NRG3: variants seen among roughly 807,000 people sequenced by gnomAD.
The protein encoded by NRG3 is pro-neuregulin-3, membrane-bound isoform.
A neutral mutation model predicts 66.9 loss-of-function variants in NRG3; 31 were observed. The observed-to-expected ratio is 0.46, with a 90% CI of 0.35 to 0.63. NRG3 has a LOEUF of 0.63. NRG3 is among the 20% of genes least tolerant of loss of function. The probability of loss-of-function intolerance (pLI) is 0.00; values close to 1 mark genes in which losing one functional copy is unlikely to be tolerated. For synonymous variants in NRG3, 393 were observed against 359.4 expected, an observed-to-expected ratio of 1.09 and a Z score of -1.06; for missense variants, 910 against 878.9, an observed-to-expected ratio of 1.04 and a Z score of -0.45.
At chr10:82,083,566 T>C (rs1288232562) in intron 1 of NRG3, among the ~76,000 whole-genome samples, 7 of 151,258 alleles carry the variant, frequency 4.6e-5, no homozygotes, top group Admixed American at 4.0e-4. Context: ...GTTTTCTCTC[T>C]TACAACCTCT....
chr10:82,077,990 G>T (rs556264329), intron 1 of NRG3, among the ~76,000 whole-genome samples: 43 of 152,168 alleles, frequency 2.8e-4, no homozygotes, highest in African/African-American at 1.0e-3. Context: ...TTTGAGAGAC[G>T]CAAGCAATCT....
chr10:82,455,574 TA>T (rs2091229327), intron 2 of NRG3, among the ~76,000 whole-genome samples: 1 of 151,768 alleles, frequency 6.6e-6, no homozygotes. Flanking sequence ...TGTACACTAC[TA>T]TGGACTTCAT....
chr10:82,161,807 G>A (rs2071623978), intron 1 of NRG3, among the ~76,000 whole-genome samples: 1 of 152,118 alleles, frequency 6.6e-6, no homozygotes. Context: ...TTGACAGATG[G>A]AGATCCTGGA....
chr10:82,318,798 A>G (rs1337384584), intron 1 of NRG3, among the ~76,000 whole-genome samples: 2 of 152,246 alleles, frequency 1.3e-5, no homozygotes, highest in Non-Finnish European at 2.9e-5. Context: ...TAGAAAGTGA[A>G]CATCTTGAAA....
At chr10:82,280,848 T>C (rs1413649210) in intron 1 of NRG3, among the ~76,000 whole-genome samples, 1 of 152,208 alleles carries the variant, frequency 6.6e-6, no homozygotes, top group East Asian at 1.9e-4. Context: ...GTTGAAGCTT[T>C]AGTAACTCTC....
chr10:82,332,940 C>T (rs1282750792), intron 1 of NRG3, among the ~76,000 whole-genome samples: 3 of 152,134 alleles, frequency 2.0e-5, no homozygotes, highest in African/African-American at 7.2e-5. Flanking sequence ...TATCCTCACC[C>T]TAACAAAAAA....
In NRG3 at chr10:82,708,430, C is replaced by T. The variant is rs183732683; in HGVS notation, c.954-30147C>T. 2.6e-5 allele frequency among the ~76,000 whole-genome samples: 4 copies of T among 152,214 alleles called. No homozygotes were observed. The East Asian group carries it at 7.7e-4, about 29-fold the overall frequency. On this transcript the variant is annotated intron_variant, in intron 2 of 8. Coordinates refer to ENST00000372141, the MANE Select transcript of NRG3 (RefSeq NM_001010848.4). ...TCACCCAAGTAATAAGCATAGTACC[C>T]AATAGGTGGTTTTGTGATCCTCACT...
chr10:82,235,135 G>C (rs535939564), intron 1 of NRG3, among the ~76,000 whole-genome samples: 1 of 152,346 alleles, frequency 6.6e-6, no homozygotes, highest in African/African-American at 2.4e-5. Context: ...GCCAGCAATG[G>C]CCTGAAGTCC....
chr10:82,691,318 TG>T (rs2054909501), intron 2 of NRG3, among the ~76,000 whole-genome samples: 1 of 152,216 alleles, frequency 6.6e-6, no homozygotes, highest in South Asian at 2.1e-4. Flanking sequence ...AACTGGTGCC[TG>T]TTGACCTCAC....
At chr10:82,821,415 C>A (rs990834262) in intron 3 of NRG3, among the ~76,000 whole-genome samples, 3 of 151,674 alleles carry the variant, frequency 2.0e-5, no homozygotes, top group Non-Finnish European at 1.5e-5. Flanking sequence ...AAATTTAAAG[C>A]TGATTCCTAA....
intron 1 of NRG3, among the ~76,000 whole-genome samples, chr10:82,234,250 G>A (rs576198678): frequency 6.6e-6 from 1 of 152,002 alleles, no homozygotes; most frequent in Non-Finnish European, 1.5e-5. Flanking sequence ...TCTTTTATCA[G>A]TTTCTGGAAC....
At chr10:82,153,810 T>G (rs1459488204) in intron 1 of NRG3, among the ~76,000 whole-genome samples, 1 of 152,058 alleles carries the variant, frequency 6.6e-6, no homozygotes, top group Non-Finnish European at 1.5e-5. Context: ...TCCCTGACAA[T>G]TAGAGATGGT....
chr10:82,096,343 G>C (rs1466041455), intron 1 of NRG3, among the ~76,000 whole-genome samples: 2 of 152,082 alleles, frequency 1.3e-5, no homozygotes, highest in African/African-American at 4.8e-5. Context: ...GGGCATGGTG[G>C]CACATGCCTG....
intron 2 of NRG3, among the ~76,000 whole-genome samples, chr10:82,643,173 G>A (rs1012697326): frequency 4.6e-5 from 7 of 152,068 alleles, no homozygotes; most frequent in African/African-American, 1.7e-4. Flanking sequence ...ATCTCATCTT[G>A]TAGCTCCCAT....
At chr10:82,762,054 T>C (rs1977666) in intron 3 of NRG3, among the ~76,000 whole-genome samples, 5,566 of 151,300 alleles carry the variant, frequency 0.037, 368 homozygotes, top group African/African-American at 0.13. Context: ...CTTTCTCTCT[T>C]TCTTTCTTTC....
chr10:82,251,744 T>C (rs72825496), intron 1 of NRG3, among the ~76,000 whole-genome samples: 17,393 of 152,212 alleles, frequency 0.11, 1,043 homozygotes, highest in Non-Finnish European at 0.14. Context: ...AAAAGCACCA[T>C]GTGGTCACCG....
At chr10:82,739,986 T>TGGTGTAAGACAGGTG (rs2058340876) in intron 3 of NRG3, among the ~76,000 whole-genome samples, 1 of 116,724 alleles carries the variant, frequency 8.6e-6, no homozygotes. Flanking sequence ...GCTTGCTGAT[T>TGGTGTAAGACAGGTG]TCTTTCTTTT....
chr10:82,485,883 T>G (rs1189712023), intron 2 of NRG3, among the ~76,000 whole-genome samples: 4 of 152,082 alleles, frequency 2.6e-5, no homozygotes, highest in African/African-American at 4.8e-5. Context: ...GGAGAAAATA[T>G]TAACTGCTCT....
chr10:82,348,222 T>G (rs2083167534), intron 1 of NRG3, among the ~76,000 whole-genome samples: 1 of 152,248 alleles, frequency 6.6e-6, no homozygotes, highest in Non-Finnish European at 1.5e-5. Context: ...TTCTTTTCCA[T>G]GTTTAGCGCT....
Sources: allele counts gnomAD v4.1 joint callset (sites outside exome capture counted in the v4.1 genomes callset), GRCh38; gene constraint gnomAD v4.1.1; transcripts MANE v1.5; gene names NCBI Gene and HGNC (gene_info 2026-07-23, HGNC 2026-07-21).